Variants in FLT3 observed in about 807,000 individuals in gnomAD.
FLT3 encodes receptor-type tyrosine-protein kinase FLT3.
A neutral mutation model predicts 126.6 loss-of-function variants in FLT3; 46 were observed. The ratio of observed to expected loss-of-function variants is 0.36; its 90% CI spans 0.29 to 0.46. The LOEUF is 0.46. FLT3 is among the 20% of genes least tolerant of loss of function. FLT3 has a pLI of 1.00. For missense variants in FLT3, 1,069 were observed against 1,190.3 expected (o/e 0.90, Z 1.50); for synonymous variants, 404 against 434.4 (o/e 0.93, Z 0.87).
intron 2 of FLT3, among the ~76,000 whole-genome samples, chr13:28,065,517 C>A (rs1876937161): frequency 6.6e-6 from 1 of 152,126 alleles, no homozygotes; most frequent in Non-Finnish European, 1.5e-5. Flanking sequence ...TGGTGCATGC[C>A]TGTGGTCCTT....
At chr13:28,067,850 A>G (rs1037581515) in intron 2 of FLT3, 1 of 293,502 alleles carries the variant, frequency 3.4e-6, no homozygotes. Flanking sequence ...CAAATCAACA[A>G]CTCATTCTCT....
chr13:28,024,343 G>T (rs1245526450), intron 18 of FLT3, among the ~76,000 whole-genome samples: 1 of 152,120 alleles, frequency 6.6e-6, no homozygotes, highest in East Asian at 1.9e-4. Flanking sequence ...TGTTGGGCCA[G>T]GCTGGTCTTG....
intron 1 of FLT3, among the ~76,000 whole-genome samples, chr13:28,077,429 G>A (rs1421266197): frequency 6.6e-6 from 1 of 152,122 alleles, no homozygotes; most frequent in Non-Finnish European, 1.5e-5. Flanking sequence ...AGAACCCCCT[G>A]ATAAACCCAT....
chr13:28,080,240 A>G (rs898320438), intron 1 of FLT3, among the ~76,000 whole-genome samples: 2 of 152,178 alleles, frequency 1.3e-5, no homozygotes, highest in Non-Finnish European at 2.9e-5. Context: ...GCTGGGCGCC[A>G]TGGCGCATTC....
intron 23 of FLT3, among the ~76,000 whole-genome samples, chr13:28,014,107 A>G (rs1321570224): frequency 6.6e-6 from 1 of 152,026 alleles, no homozygotes; most frequent in Non-Finnish European, 1.5e-5. Flanking sequence ...CCCTATTTCT[A>G]CAAAAAATAA....
intron 1 of FLT3, among the ~76,000 whole-genome samples, chr13:28,084,701 C>A (rs1302813758): frequency 6.6e-6 from 1 of 152,050 alleles, no homozygotes; most frequent in African/African-American, 2.4e-5. Flanking sequence ...TACAGCCGGG[C>A]GCAGTGGCTC....
chr13:28,049,318 T>G, intron 8 of FLT3, 66 bp downstream of exon 8: 1 of 1,380,004 alleles, frequency 7.2e-7, no homozygotes, highest in South Asian at 1.3e-5. Context: ...TTGTACCACA[T>G]ACTTCACATT....
At chr13:28,040,683 C>A (rs1874280320) in intron 9 of FLT3, among the ~76,000 whole-genome samples, 1 of 152,108 alleles carries the variant, frequency 6.6e-6, no homozygotes, top group Non-Finnish European at 1.5e-5. Context: ...TCTGACCTAT[C>A]AAAAGTTTCA....
intron 2 of FLT3, among the ~76,000 whole-genome samples, chr13:28,063,842 T>C (rs537468859): frequency 9.2e-5 from 14 of 152,124 alleles, no homozygotes; most frequent in African/African-American, 3.4e-4. Flanking sequence ...AGATACCAAA[T>C]ACTTTGAAAT....
At chr13:28,008,629 G>A (rs1005104449) in intron 23 of FLT3, among the ~76,000 whole-genome samples, 3 of 151,980 alleles carry the variant, frequency 2.0e-5, no homozygotes, top group East Asian at 3.9e-4. Context: ...TTAGCTACCT[G>A]CCACCACACC....
At chr13:28,015,368 C>T in intron 21 of FLT3, 112 bp from the exon 22 acceptor site, 1 of 825,990 alleles carries the variant, frequency 1.2e-6, no homozygotes, top group Non-Finnish European at 2.0e-6. Flanking sequence ...CTGTTGCAGG[C>T]ACACGGGCTG....
Position 28,035,738 on chromosome 13 carries a change from C to A in FLT3, c.1419-65G>T, listed in dbSNP as rs1195416638. On this transcript the variant is annotated intron_variant, in intron 11 of 23. Coordinates refer to ENST00000241453, the MANE Select transcript of FLT3 (RefSeq NM_004119.3). ...GTCATCAGATTGGAAGTTAGGATTT[C>A]TGCAGCGAGTTCTAAAAGAGATTCA... The A allele has an allele frequency of 7.9e-5, 119 of 1,507,308 alleles. 1 individual carries two copies. The East Asian group carries it at 2.6e-3, about 33-fold the overall frequency. The allele number at this position is 1,507,308 out of a possible 1,614,324, so 93.4% of individuals were successfully genotyped here. A position where few individuals can be genotyped will look rare whatever the true frequency, so the allele number is the denominator to read the frequency against.
chr13:28,015,671 C>T lies in FLT3; in HGVS notation c.2572G>A (p.Glu858Lys), dbSNP rs568745490. ...GTGTAGATGCCTTCAAACAGGCTTT[C>T]GGGGGCCATCCATTTTACAGGCAGA... ...ARLPVKWMAPESLFEGIYTIK... is the reference protein window; with the variant it reads ...ARLPVKWMAPKSLFEGIYTIK... Residue 858 changes from glutamate (E) to lysine (K), a missense_variant, in exon 21 of 24, where the codon GAA (glutamate) becomes AAA (lysine). By Grantham distance (56) the Glu-to-Lys change is moderately conservative. Coordinates refer to ENST00000241453, the MANE Select transcript of FLT3 (RefSeq NM_004119.3). 9.3e-6 allele frequency: 15 copies of T among 1,612,794 alleles called. No homozygotes were observed. The highest frequency in any genetic ancestry group is 2.2e-5 in the East Asian group (1 of 44,840).
At chr13:28,038,521 C>A (rs528871011) in intron 9 of FLT3, among the ~76,000 whole-genome samples, 1 of 150,536 alleles carries the variant, frequency 6.6e-6, no homozygotes, top group East Asian at 2.0e-4. Context: ...GGCGCTATCT[C>A]GGCTCACTGC....
chr13:28,040,624 T>TA (rs149125849), intron 9 of FLT3, among the ~76,000 whole-genome samples: 3,202 of 152,290 alleles, frequency 0.021, 99 homozygotes, highest in African/African-American at 0.071. Context: ...CCTGAACTCG[T>TA]AAGCCAAGGT....
intron 19 of FLT3, among the ~76,000 whole-genome samples, chr13:28,018,879 A>G (rs1293596939): frequency 6.6e-6 from 1 of 152,160 alleles, no homozygotes; most frequent in African/African-American, 2.4e-5. Flanking sequence ...GAGGCTCCCC[A>G]ACAGGGGCCC....
chr13:28,035,650 C>T lies in FLT3; in HGVS notation c.1442G>A (p.Gly481Glu). 6.2e-7 allele frequency: 1 copy of T among 1,613,790 alleles called. No individual in the cohort carries two copies. The part of the protein sequence containing the change: ...SPNCTEEITE[G>E]VWNRKANRKV... Reference sequence around the variant, plus strand: ...TCTGTTAGCCTTTCTATTCCAGACTCCTTCTGTGATCTCTTCTGTGCAGCT... The same window carrying T: ...TCTGTTAGCCTTTCTATTCCAGACTTCTTCTGTGATCTCTTCTGTGCAGCT... Residue 481 changes from glycine (G) to glutamate (E), a missense_variant, in exon 12 of 24, where the codon GGA becomes GAA. Physicochemically the swap from Gly to Glu is moderately conservative, Grantham distance 98. Coordinates refer to ENST00000241453, the MANE Select transcript of FLT3 (RefSeq NM_004119.3).
At chr13:28,026,967 G>T in intron 17 of FLT3, 121 bp downstream of exon 17, 1 of 787,082 alleles carries the variant, frequency 1.3e-6, no homozygotes, top group South Asian at 1.7e-5. Context: ...GAAATCTCTA[G>T]GTTGCAGGAC....
chr13:28,091,207 CTTTTT>C (rs572410744), intron 1 of FLT3, among the ~76,000 whole-genome samples: 10 of 36,570 alleles, frequency 2.7e-4, no homozygotes, highest in Admixed American at 4.8e-4. Flanking sequence ...GCCCCATTTT[CTTTTT>C]TTTTTTTTTT....
Sources: gnomAD v4.1 joint callset for allele counts (sites outside exome capture counted in the v4.1 genomes callset) on GRCh38, gnomAD v4.1.1 for gene constraint, MANE v1.5 for transcripts, NCBI Gene and HGNC (gene_info 2026-07-23, HGNC 2026-07-21) for gene names.